Variants in CELF2 observed in about 807,000 individuals in gnomAD.
CELF2 encodes the protein CUGBP Elav-like family member 2.
CELF2 carries 8 observed loss-of-function variants against 62.6 expected under a neutral mutation model. The ratio of observed to expected loss-of-function variants is 0.13; its 90% CI spans 0.07 to 0.23. The LOEUF is 0.23. Ranked by LOEUF, CELF2 falls within the 10% of genes least tolerant of loss-of-function variation. The probability of loss-of-function intolerance (pLI) is 1.00; values close to 1 mark genes in which losing one functional copy is unlikely to be tolerated. For missense variants in CELF2, 333 were observed against 671.0 expected (o/e 0.50, Z 5.56); for synonymous variants, 258 against 250.0 (o/e 1.03, Z -0.30).
intron 1 of CELF2, among the ~76,000 whole-genome samples, chr10:11,104,957 T>G (rs557489612): frequency 6.6e-6 from 1 of 152,190 alleles, no homozygotes; most frequent in Non-Finnish European, 1.5e-5. Context: ...ATTACAGTTG[T>G]GTAATCACCT....
intron 2 of CELF2, among the ~76,000 whole-genome samples, chr10:10,939,676 C>T (rs187812258): frequency 2.0e-5 from 3 of 151,094 alleles, no homozygotes; most frequent in East Asian, 2.0e-4. Flanking sequence ...AAAGCCAGGC[C>T]GGGCGCGGTG....
chr10:10,510,027 G>C, the CELF2 span, among the ~76,000 whole-genome samples: 2 of 152,188 alleles, frequency 1.3e-5, no homozygotes, highest in Non-Finnish European at 1.5e-5. Context: ...AGGGATTCTG[G>C]CTTCTGAACC....
In CELF2 at chr10:11,328,816, G is replaced by A; in HGVS notation, c.1439-110G>A. The A allele has an allele frequency of 1.5e-6, 2 of 1,290,920 alleles. No homozygotes were observed. The highest frequency in any genetic ancestry group is 2.1e-6 in the Non-Finnish European group (2 of 940,752). 80.0% of individuals were successfully genotyped at this position (1,290,920 alleles called of 1,614,324 possible). On this transcript the variant is annotated intron_variant, in intron 12 of 12. Coordinates refer to ENST00000633077, the MANE Select transcript of CELF2 (RefSeq NM_001326342.2). This position sits in a 1 kb window ranked among gnomAD's most constrained non-coding sequence, Gnocchi z 6.4. Reference sequence around the variant, plus strand: ...TCCGCAGAGCTGTGCTGGGCCCGTGGGGCTGGCACCTCATGCTGGCTCTTC... The same window carrying A: ...TCCGCAGAGCTGTGCTGGGCCCGTGAGGCTGGCACCTCATGCTGGCTCTTC...
At chr10:10,738,562 T>A in the CELF2 span, among the ~76,000 whole-genome samples, 1 of 152,210 alleles carries the variant, frequency 6.6e-6, no homozygotes, top group African/African-American at 2.4e-5. Context: ...CCCAGTCTTT[T>A]CTTTCCAGCT....
At chr10:10,851,639 T>C (rs2059389435) in intron 1 of CELF2, among the ~76,000 whole-genome samples, 2 of 152,120 alleles carry the variant, frequency 1.3e-5, no homozygotes, top group South Asian at 4.1e-4. Flanking sequence ...TTGAAAGACA[T>C]CATTAAAAGA....
chr10:10,562,224 A>G, the CELF2 span, among the ~76,000 whole-genome samples: 1 of 152,174 alleles, frequency 6.6e-6, no homozygotes, highest in South Asian at 2.1e-4. Context: ...TTTTCTCTCC[A>G]TCTCCACTAA....
intron 2 of CELF2, among the ~76,000 whole-genome samples, chr10:10,961,807 A>G (rs893476162): frequency 5.3e-5 from 8 of 152,178 alleles, no homozygotes; most frequent in African/African-American, 9.7e-5. Flanking sequence ...ACATTATTTA[A>G]TTTTGGCTTC....
intron 2 of CELF2, among the ~76,000 whole-genome samples, chr10:11,166,052 C>G (rs961022220): frequency 6.6e-6 from 1 of 152,220 alleles, no homozygotes; most frequent in African/African-American, 2.4e-5. Context: ...CTAACTCTTC[C>G]CACCCCTACG....
intron 9 of CELF2, among the ~76,000 whole-genome samples, chr10:11,312,154 C>G (rs2094591891): frequency 6.6e-6 from 1 of 152,192 alleles, no homozygotes; most frequent in Non-Finnish European, 1.5e-5. Context: ...GGAAAAACCT[C>G]TCAGTCTCGA....
chr10:10,913,582 G>T (rs1410098490), intron 1 of CELF2, among the ~76,000 whole-genome samples: 1 of 135,412 alleles, frequency 7.4e-6, no homozygotes, highest in East Asian at 2.0e-4. Flanking sequence ...GTAGAGATGG[G>T]GTTTCACCAT....
rs1045218478 is a variant in CELF2 at position 11,305,731 on chromosome 10, C to T, written c.977-8408C>T. Among the ~76,000 whole-genome samples the T allele has an allele frequency of 3.3e-5, 5 of 152,200 alleles. No homozygotes were observed. The highest frequency in any genetic ancestry group is 1.2e-4 in the African/African-American group (5 of 41,436). The stretch of plus-strand genomic sequence containing the variant: ...AGTGTTCATCCCAGACCTAGCACAG[C>T]TCTAAGGAGAAGGAACCCATCCCGT... On this transcript the variant is annotated intron_variant, in intron 9 of 12. Transcript: ENST00000633077. This position sits in a 1 kb window ranked among gnomAD's most constrained non-coding sequence, Gnocchi z 4.8.
intron 9 of CELF2, among the ~76,000 whole-genome samples, chr10:11,301,808 G>A (rs1256039709): frequency 2.0e-5 from 3 of 151,890 alleles, no homozygotes; most frequent in African/African-American, 2.4e-5. Flanking sequence ...GTTTGATGAG[G>A]GTCCTGGGTG....
chr10:10,881,962 A>T (rs117138458), intron 1 of CELF2, among the ~76,000 whole-genome samples: 322 of 152,340 alleles, frequency 2.1e-3, no homozygotes, highest in Non-Finnish European at 4.2e-3. Flanking sequence ...TTTTGTATGT[A>T]GTATTACTGC....
the CELF2 span, among the ~76,000 whole-genome samples, chr10:10,691,032 T>A: frequency 0.048 from 7,269 of 152,172 alleles, 320 homozygotes; most frequent in East Asian, 0.28. Context: ...ATACTTTAAG[T>A]TTTAGGGTGC....
intron 1 of CELF2, among the ~76,000 whole-genome samples, chr10:11,077,523 A>G (rs779769118): frequency 9.9e-5 from 15 of 152,202 alleles, no homozygotes; most frequent in Non-Finnish European, 1.9e-4. Flanking sequence ...CTGTCTTCCA[A>G]ATACTGAGCC....
rs1449577597 is a variant in CELF2 at position 11,309,720 on chromosome 10, G to T, written c.977-4419G>T. On this transcript the variant is annotated intron_variant, in intron 9 of 12. Transcript: ENST00000633077. The surrounding 1 kb of genome is among the most constrained non-coding windows in gnomAD (Gnocchi z 5.6). ...GATCCCAGGAGGACTCTTTCTGGCT[G>T]TCCCTTTCCCTGCCCTCTCTGCTAA... 2.0e-5 allele frequency among the ~76,000 whole-genome samples: 3 copies of T among 152,144 alleles called. No individual in the cohort carries two copies. Among genetic ancestry groups the T allele is most frequent in the Non-Finnish European group, 2.9e-5 (2 of 68,020 alleles).
In CELF2 at chr10:11,329,322, C is replaced by T. The variant is rs574881959; in HGVS notation, c.*269C>T. 84 of 257,264 alleles carry T rather than the reference C, an allele frequency of 3.3e-4. No homozygotes were observed. The East Asian group carries it at 6.0e-3, about 18-fold the overall frequency. 15.9% of individuals were successfully genotyped at this position (257,264 alleles called of 1,614,324 possible). ...TCCTTTGTTTTGCGATTTGAATCTCCTTTTACCTTTTTTTTTAATTTTTTT... is the reference window on the plus strand; with the variant it reads ...TCCTTTGTTTTGCGATTTGAATCTCTTTTTACCTTTTTTTTTAATTTTTTT... On this transcript the variant is annotated 3_prime_UTR_variant, in exon 13 of 13. Transcript: ENST00000633077. This position sits in a 1 kb window ranked among gnomAD's most constrained non-coding sequence, Gnocchi z 5.5.
intron 3 of CELF2, among the ~76,000 whole-genome samples, chr10:11,218,407 C>T (rs965634382): frequency 2.0e-5 from 3 of 152,182 alleles, no homozygotes; most frequent in Admixed American, 6.5e-5. Context: ...TGTCTCTGAA[C>T]GCATACACAA....
chr10:10,614,592 C>T, the CELF2 span, among the ~76,000 whole-genome samples: 16 of 152,096 alleles, frequency 1.1e-4, no homozygotes, highest in Admixed American at 3.9e-4. Flanking sequence ...ACCAGGAACT[C>T]GGCAAGAGAG....
Sources: gnomAD v4.1 joint callset for allele counts (sites outside exome capture counted in the v4.1 genomes callset) on GRCh38, gnomAD v4.1.1 for gene constraint, Gnocchi (gnomAD v3.1) non-coding constraint, MANE v1.5 for transcripts, NCBI Gene and HGNC (gene_info 2026-07-23, HGNC 2026-07-21) for gene names.